GABBR2: variants seen among roughly 807,000 people sequenced by gnomAD.
GABBR2 encodes the protein gamma-aminobutyric acid type B receptor subunit 2.
GABBR2 carries 23 observed loss-of-function variants against 105.6 expected under a neutral mutation model. That is an observed-to-expected ratio of 0.22 (90% CI 0.16 to 0.31). The LOEUF (loss-of-function observed/expected upper bound fraction) is 0.31. Among genes scored for constraint, GABBR2 ranks in the 10% least tolerant of loss-of-function variants. The pLI, the probability that GABBR2 is intolerant of heterozygous loss-of-function variation, is 1.00. For synonymous variants in GABBR2, 478 were observed against 499.7 expected, an observed-to-expected ratio of 0.96 and a Z score of 0.58; for missense variants, 734 against 1,245.5, an observed-to-expected ratio of 0.59 and a Z score of 6.18.
chr9:98,610,223 T>C (rs2131812914), intron 1 of GABBR2, among the ~76,000 whole-genome samples: 1 of 152,326 alleles, frequency 6.6e-6, no homozygotes, highest in South Asian at 2.1e-4. Flanking sequence ...TGGGCCCATT[T>C]AACCTCTCTG....
intron 7 of GABBR2, among the ~76,000 whole-genome samples, chr9:98,425,055 A>G (rs1483914175): frequency 6.6e-6 from 1 of 152,106 alleles, no homozygotes. Flanking sequence ...ACAAAAGCAC[A>G]CTGCTTAATG....
chr9:98,649,982 T>C (rs571189015), intron 1 of GABBR2, among the ~76,000 whole-genome samples: 1 of 152,328 alleles, frequency 6.6e-6, no homozygotes, highest in South Asian at 2.1e-4. Context: ...TGTGTCTGGA[T>C]TTACACTGAC....
chr9:98,340,597 C>T (rs1181013119), intron 13 of GABBR2, among the ~76,000 whole-genome samples: 1 of 152,172 alleles, frequency 6.6e-6, no homozygotes, highest in Non-Finnish European at 1.5e-5. Flanking sequence ...CAACCACAGA[C>T]CTACCAGCAG....
chr9:98,364,065 T>C (rs1421248721), intron 12 of GABBR2, among the ~76,000 whole-genome samples: 1 of 152,038 alleles, frequency 6.6e-6, no homozygotes, highest in Non-Finnish European at 1.5e-5. Context: ...TTACCGAATG[T>C]AAAAAGAACA....
At chr9:98,312,749 A>G (rs1165781278) in intron 13 of GABBR2, among the ~76,000 whole-genome samples, 1 of 152,116 alleles carries the variant, frequency 6.6e-6, no homozygotes, top group Non-Finnish European at 1.5e-5. Flanking sequence ...TTATTTATGT[A>G]TATCAGTATG....
intron 13 of GABBR2, among the ~76,000 whole-genome samples, chr9:98,361,759 A>G (rs1304663788): frequency 6.6e-6 from 1 of 152,202 alleles, no homozygotes; most frequent in African/African-American, 2.4e-5. Context: ...GTGGAGGGAC[A>G]TAGTTCTCAA....
At chr9:98,346,969 A>G (rs959074379) in intron 13 of GABBR2, among the ~76,000 whole-genome samples, 2 of 152,008 alleles carry the variant, frequency 1.3e-5, no homozygotes, top group African/African-American at 2.4e-5. Context: ...CATTTTCTTT[A>G]TCCATTTTTC....
chr9:98,573,669 T>C (rs990893353), intron 2 of GABBR2, among the ~76,000 whole-genome samples: 3 of 152,212 alleles, frequency 2.0e-5, no homozygotes, highest in Admixed American at 1.3e-4. Flanking sequence ...GTACAATTCA[T>C]TGACATGAAA....
At chr9:98,302,868 TTGCTGGGTTG>T (rs1263825796) in intron 16 of GABBR2, 2 of 222,236 alleles carry the variant, frequency 9.0e-6, no homozygotes, top group Non-Finnish European at 1.8e-5. Context: ...GATGTGGTGG[TTGCTGGGTTG>T]TGCTGGGAGA....
At chr9:98,300,524 G>A (rs558904196) in intron 16 of GABBR2, among the ~76,000 whole-genome samples, 1 of 152,292 alleles carries the variant, frequency 6.6e-6, no homozygotes, top group Non-Finnish European at 1.5e-5. Context: ...TATGAGTGTT[G>A]GTAGTTGTTG....
At chr9:98,679,410 T>C (rs866847526) in intron 1 of GABBR2, among the ~76,000 whole-genome samples, 1 of 152,128 alleles carries the variant, frequency 6.6e-6, no homozygotes, top group Non-Finnish European at 1.5e-5. Flanking sequence ...AAAATACCTG[T>C]GGAGAAGAGA....
intron 1 of GABBR2, among the ~76,000 whole-genome samples, chr9:98,664,996 G>A (rs1051421858): frequency 2.0e-5 from 3 of 152,142 alleles, no homozygotes; most frequent in African/African-American, 7.2e-5. Flanking sequence ...GCCAGGCATG[G>A]TGGCATGTAC....
At chr9:98,409,231 A>G (rs1832543082) in intron 7 of GABBR2, among the ~76,000 whole-genome samples, 1 of 152,224 alleles carries the variant, frequency 6.6e-6, no homozygotes. Context: ...GGGTCTGGAC[A>G]TGACTCTAAT....
At chr9:98,607,793 A>G in intron 1 of GABBR2, 1 of 806,950 alleles carries the variant, frequency 1.2e-6, no homozygotes, top group Non-Finnish European at 2.2e-6. Context: ...GGAATTGATA[A>G]CAACAAGAAT....
chr9:98,352,875 G>A (rs1462309678), intron 13 of GABBR2, among the ~76,000 whole-genome samples: 1 of 152,122 alleles, frequency 6.6e-6, no homozygotes, highest in Non-Finnish European at 1.5e-5. Flanking sequence ...AGCCCTCTGG[G>A]TGGATGTGGG....
chr9:98,480,883 G>C (rs750238889), intron 5 of GABBR2, 49 bp downstream of exon 5: 5 of 1,071,822 alleles, frequency 4.7e-6, no homozygotes, highest in Non-Finnish European at 7.3e-6. Context: ...ATGGGAAAAA[G>C]CTTCGTGAAC....
At chr9:98,387,077 G>A (rs1298960621) in intron 10 of GABBR2, among the ~76,000 whole-genome samples, 1 of 152,188 alleles carries the variant, frequency 6.6e-6, no homozygotes, top group Non-Finnish European at 1.5e-5. Context: ...GCAGTCAGGG[G>A]AGGGGAGAGC....
chr9:98,604,396 C>G (rs1829382649), intron 1 of GABBR2, among the ~76,000 whole-genome samples: 1 of 152,206 alleles, frequency 6.6e-6, no homozygotes, highest in Non-Finnish European at 1.5e-5. Flanking sequence ...GTCTTGGTCT[C>G]TGCTCCAACA....
chr9:98,670,053 G>T (rs7853807), intron 1 of GABBR2, among the ~76,000 whole-genome samples: 9 of 152,060 alleles, frequency 5.9e-5, no homozygotes, highest in South Asian at 2.1e-4. Flanking sequence ...GATGGGACTA[G>T]GGGAGGATGA....
Sources: gnomAD v4.1 joint callset for allele counts (sites outside exome capture counted in the v4.1 genomes callset) on GRCh38, gnomAD v4.1.1 for gene constraint, MANE v1.5 for transcripts, NCBI Gene and HGNC (gene_info 2026-07-23, HGNC 2026-07-21) for gene names.